NUBPL: variants seen among roughly 807,000 people sequenced by gnomAD.
The protein encoded by NUBPL is NUBP iron-sulfur cluster assembly factor, mitochondrial.
A neutral mutation model predicts 45.7 loss-of-function variants in NUBPL; 31 were observed. The ratio of observed to expected loss-of-function variants is 0.68; its 90% CI spans 0.51 to 0.92. The LOEUF (loss-of-function observed/expected upper bound fraction) is 0.92, where lower values mean the gene tolerates loss of function less well. Ranked by LOEUF, NUBPL falls within the 40% of genes least tolerant of loss-of-function variation. The pLI is 0.00. For synonymous variants in NUBPL, 144 were observed against 140.9 expected (o/e 1.02, Z -0.15); for missense variants, 401 against 398.7 (o/e 1.01, Z -0.05).
At chr14:31,834,045 T>G (rs1444155264) in intron 8 of NUBPL, among the ~76,000 whole-genome samples, 2 of 152,170 alleles carry the variant, frequency 1.3e-5, no homozygotes, top group Admixed American at 1.3e-4. Flanking sequence ...AATAAATAAT[T>G]CTGAAAATTG....
rs560300301 is a variant in NUBPL at position 31,597,394 on chromosome 14, G to A, written c.292-1895G>A. Among the ~76,000 whole-genome samples the A allele has an allele frequency of 6.6e-5, 10 of 152,142 alleles. No individual in the cohort carries two copies. In the South Asian group the frequency reaches 1.2e-3, roughly 19 times the overall value. ...GTTAGGAGAGATCTTCAGTTTTTTT[G>A]GAACATTATGCCAAGAGTTCATCTT... On this transcript the variant is annotated intron_variant, in intron 3 of 10. Coordinates refer to ENST00000281081, the MANE Select transcript of NUBPL (RefSeq NM_025152.3).
chr14:31,643,870 A>G (rs1039440242), intron 4 of NUBPL, among the ~76,000 whole-genome samples: 3 of 151,882 alleles, frequency 2.0e-5, no homozygotes, highest in African/African-American at 4.8e-5. Flanking sequence ...TTCAATCTTG[A>G]TAGGTTGTAT....
At chr14:31,757,590 A>G (rs73255184) in intron 6 of NUBPL, among the ~76,000 whole-genome samples, 10,011 of 152,260 alleles carry the variant, frequency 0.066, 425 homozygotes, top group Non-Finnish European at 0.091. Flanking sequence ...GCTAAAATAC[A>G]TGTAGATGAA....
chr14:31,700,745 G>T (rs1002359248), intron 6 of NUBPL, among the ~76,000 whole-genome samples: 5 of 152,174 alleles, frequency 3.3e-5, no homozygotes, highest in African/African-American at 1.2e-4. Flanking sequence ...TGCCTGCACT[G>T]CACTTGAATT....
In NUBPL at chr14:31,605,858, TTCCTTGTCTCCTCCCTTCTTCCTCC is replaced by T. The variant is rs1162043833; in HGVS notation, c.382+6499_382+6523del. Among the ~76,000 whole-genome samples, 788 of 140,618 alleles carry T rather than the reference TTCCTTGTCTCCTCCCTTCTTCCTCC, an allele frequency of 5.6e-3. 7 individuals are homozygous for T. Among genetic ancestry groups the T allele is most frequent in the African/African-American group, 0.016 (579 of 35,414 alleles). 92.3% of individuals were successfully genotyped at this position (140,618 alleles called of 152,430 possible). On this transcript the variant is annotated intron_variant, in intron 4 of 10. Coordinates refer to ENST00000281081, the MANE Select transcript of NUBPL (RefSeq NM_025152.3). ...CTCCTTTCTTCCTCCTCCCTTCTCC[TTCCTTGTCTCCTCCCTTCTTCCTCC>T]TCCTTGTCTCCTCCCTTCTCCTTCC...
intron 4 of NUBPL, among the ~76,000 whole-genome samples, chr14:31,665,257 T>C (rs1315131712): frequency 6.6e-6 from 1 of 152,202 alleles, no homozygotes; most frequent in Non-Finnish European, 1.5e-5. Context: ...TTTCTTGTCT[T>C]CTGCTAGCTT....
chr14:31,776,287 T>G (rs1001918460), intron 6 of NUBPL, among the ~76,000 whole-genome samples: 1 of 152,148 alleles, frequency 6.6e-6, no homozygotes, highest in Non-Finnish European at 1.5e-5. Context: ...CCTCCCCAAA[T>G]CATTCTAAAA....
chr14:31,653,659 A>G (rs2120135), intron 4 of NUBPL, among the ~76,000 whole-genome samples: 25,404 of 152,210 alleles, frequency 0.17, 6,074 homozygotes, highest in African/African-American at 0.53. Flanking sequence ...TTTACAGTCA[A>G]TTTGTACAAT....
chr14:31,715,943 A>G (rs1009679199), intron 6 of NUBPL, among the ~76,000 whole-genome samples: 1 of 152,174 alleles, frequency 6.6e-6, no homozygotes, highest in African/African-American at 2.4e-5. Flanking sequence ...CTGTACGGAA[A>G]TATTTTCTTT....
In NUBPL at chr14:31,561,463, G is replaced by A. The variant is rs1458522783; in HGVS notation, c.24G>A (p.Leu8=). MGIWQRL[L]LFGGVSLRAG... ...TCATGGGGATTTGGCAGCGTCTGCT[G>A]CTTTTTGGTGGGGTGTCGCTCCGGG... The change falls in exon 1 of 11, where the codon CTG becomes CTA. Residue 8 remains leucine (L), a synonymous_variant. Transcript: ENST00000281081. 1 of 1,420,768 alleles carries A rather than the reference G, an allele frequency of 7.0e-7. No homozygotes were observed. Among genetic ancestry groups the A allele is most frequent in the Non-Finnish European group, 9.3e-7 (1 of 1,077,848 alleles). 88.0% of individuals were successfully genotyped at this position (1,420,768 alleles called of 1,614,324 possible).
intron 6 of NUBPL, among the ~76,000 whole-genome samples, chr14:31,737,130 G>A (rs2038182656): frequency 6.6e-6 from 1 of 152,076 alleles, no homozygotes; most frequent in Non-Finnish European, 1.5e-5. Context: ...GCTTAATGGA[G>A]TCTTTTGCTG....
At chr14:31,780,487 C>T (rs2039173925) in intron 6 of NUBPL, among the ~76,000 whole-genome samples, 1 of 152,136 alleles carries the variant, frequency 6.6e-6, no homozygotes, top group African/African-American at 2.4e-5. Context: ...CCCTTGTTCA[C>T]AAAGGATATG....
At chr14:31,650,923 C>T (rs972045571) in intron 4 of NUBPL, among the ~76,000 whole-genome samples, 2 of 152,062 alleles carry the variant, frequency 1.3e-5, no homozygotes, top group African/African-American at 2.4e-5. Flanking sequence ...AGGTGCCAGG[C>T]TCTTTTTTAA....
chr14:31,792,187 A>G (rs1260036948), intron 7 of NUBPL, among the ~76,000 whole-genome samples: 1 of 152,224 alleles, frequency 6.6e-6, no homozygotes, highest in Admixed American at 6.5e-5. Context: ...GCCCTAATCC[A>G]TTAAAATTCA....
At chr14:31,634,658 C>G (rs1210617510) in intron 4 of NUBPL, among the ~76,000 whole-genome samples, 1 of 152,098 alleles carries the variant, frequency 6.6e-6, no homozygotes, top group Non-Finnish European at 1.5e-5. Flanking sequence ...CCTGAGGAAT[C>G]GCCACACTGA....
chr14:31,707,410 T>C (rs2115952), intron 6 of NUBPL, among the ~76,000 whole-genome samples: 149,799 of 152,346 alleles, frequency 0.98, 73,699 homozygotes, highest in East Asian at 1. Flanking sequence ...TCTTTCTCTT[T>C]GACTTCTCCT....
intron 4 of NUBPL, among the ~76,000 whole-genome samples, chr14:31,654,622 G>T (rs892222382): frequency 1.3e-5 from 2 of 151,966 alleles, no homozygotes; most frequent in Non-Finnish European, 2.9e-5. Flanking sequence ...TGTTAGCCAG[G>T]ATGGTCTCAA....
intron 4 of NUBPL, among the ~76,000 whole-genome samples, chr14:31,618,881 G>T (rs1348406746): frequency 6.6e-6 from 1 of 152,156 alleles, no homozygotes; most frequent in Non-Finnish European, 1.5e-5. Context: ...AATATTGACA[G>T]TGGGGTGTTA....
intron 6 of NUBPL, among the ~76,000 whole-genome samples, chr14:31,744,712 C>T (rs111688693): frequency 0.11 from 16,637 of 149,290 alleles, 2,523 homozygotes; most frequent in African/African-American, 0.35. Flanking sequence ...ACCTCCGCCT[C>T]CTAGGTTCAG....
Sources: allele counts gnomAD v4.1 joint callset (sites outside exome capture counted in the v4.1 genomes callset), GRCh38; gene constraint gnomAD v4.1.1; transcripts MANE v1.5; gene names NCBI Gene and HGNC (gene_info 2026-07-23, HGNC 2026-07-21).